The following B3GNT3 variants were observed in gnomAD, a reference collection of about 807,000 sequenced individuals.
B3GNT3 encodes the protein N-acetyllactosaminide beta-1,3-N-acetylglucosaminyltransferase 3.
B3GNT3 carries 7 observed loss-of-function variants against 11.6 expected under a neutral mutation model. The ratio of observed to expected loss-of-function variants is 0.60; its 90% CI spans 0.34 to 1.13. The LOEUF is 1.13. B3GNT3 is among the 50% of genes most tolerant of loss of function. The probability of loss-of-function intolerance (pLI) is 0.03; values close to 1 mark genes in which losing one functional copy is unlikely to be tolerated. For missense variants in B3GNT3, 400 were observed against 507.4 expected, an observed-to-expected ratio of 0.79 and a Z score of 2.03; for synonymous variants, 201 against 222.1, an observed-to-expected ratio of 0.90 and a Z score of 0.85.
Position 17,811,455 on chromosome 19 carries a change from A to C in B3GNT3, c.568-116A>C. Reference sequence around the variant, plus strand: ...ACCCCACAGGGCAGGGCCTTAACCCAGGCTGGATTGTGGACACTTCCTTTC... The same window carrying C: ...ACCCCACAGGGCAGGGCCTTAACCCCGGCTGGATTGTGGACACTTCCTTTC... On this transcript the variant is annotated intron_variant, in intron 2 of 2. Transcript: ENST00000318683. The surrounding 1 kb of genome is among the most constrained non-coding windows in gnomAD (Gnocchi z 4.1). The C allele has an allele frequency of 9.0e-7, 1 of 1,109,436 alleles. No homozygotes were observed. Among genetic ancestry groups the C allele is most frequent in the Non-Finnish European group, 1.3e-6 (1 of 793,536 alleles). 68.7% of individuals were successfully genotyped at this position (1,109,436 alleles called of 1,614,324 possible). A position where few individuals can be genotyped will look rare whatever the true frequency, so the allele number is the denominator to read the frequency against.
intron 2 of B3GNT3, among the ~76,000 whole-genome samples, chr19:17,810,772 T>C (rs977811070): frequency 2.6e-5 from 4 of 151,820 alleles, no homozygotes; most frequent in African/African-American, 7.3e-5. Flanking sequence ...TCCCAGCTAC[T>C]TGGGAGGCTG....
intron 1 of B3GNT3, among the ~76,000 whole-genome samples, chr19:17,795,456 A>C (rs1379672907): frequency 6.6e-6 from 1 of 151,940 alleles, no homozygotes; most frequent in African/African-American, 2.4e-5. Flanking sequence ...GCGACCCGGG[A>C]CCCCGGCGCC....
intron 1 of B3GNT3, among the ~76,000 whole-genome samples, chr19:17,805,944 C>G (rs913956436): frequency 1.3e-5 from 2 of 151,868 alleles, no homozygotes; most frequent in Non-Finnish European, 1.5e-5. Flanking sequence ...ACCTCAAGCA[C>G]ATGCTACCAC....
Position 17,812,199 on chromosome 19 carries a change from A to G in B3GNT3, c.*77A>G. On this transcript the variant is annotated 3_prime_UTR_variant, in exon 3 of 3. Transcript: ENST00000318683. Reference sequence around the variant, plus strand: ...GACACCTTCCTCCCAGGAAGCTGAGACCTTTGTGGTCTGAGCATAAGGGAG... The same window carrying G: ...GACACCTTCCTCCCAGGAAGCTGAGGCCTTTGTGGTCTGAGCATAAGGGAG... 1 of 1,451,730 alleles carries G rather than the reference A, an allele frequency of 6.9e-7. No homozygotes were observed. Among genetic ancestry groups the G allele is most frequent in the Non-Finnish European group, 9.1e-7 (1 of 1,097,756 alleles). 89.9% of individuals were successfully genotyped at this position (1,451,730 alleles called of 1,614,324 possible).
Position 17,811,832 on chromosome 19 carries a change from C to G in B3GNT3, c.829C>G (p.Arg277Gly). 1.2e-6 allele frequency: 2 copies of G among 1,614,218 alleles called. No homozygotes were observed. The highest frequency in any genetic ancestry group is 8.5e-7 in the Non-Finnish European group (1 of 1,180,038). Residue 277 changes from arginine to glycine, a missense_variant, in exon 3 of 3, where the codon CGC (arginine) becomes GGC (glycine). By Grantham distance (125) the Arg-to-Gly change is moderately radical. Transcript: ENST00000318683. This position sits in a 1 kb window ranked among gnomAD's most constrained non-coding sequence, Gnocchi z 4.1. ...YCGGGGFLLS[R>G]FTAAALRRAA... ...TGGGGGTGGTGGCTTCTTGCTGTCC[C>G]GCTTCACGGCCGCTGCCCTGCGCCG... is the stretch of plus-strand genomic sequence containing the variant.
At chr19:17,810,723 T>TA (rs975529094) in intron 2 of B3GNT3, among the ~76,000 whole-genome samples, 4 of 151,028 alleles carry the variant, frequency 2.6e-5, no homozygotes, top group African/African-American at 9.8e-5. Context: ...CTCTACTAAA[T>TA]ACAAAAAATT....
At chr19:17,804,223 C>G (rs1371949416) in intron 1 of B3GNT3, among the ~76,000 whole-genome samples, 1 of 143,036 alleles carries the variant, frequency 7.0e-6, no homozygotes, top group Non-Finnish European at 1.5e-5. Flanking sequence ...TTTTTCTTTT[C>G]TTTCTTTCTT....
In B3GNT3 at chr19:17,799,312, G is replaced by A. The variant is rs139550969; in HGVS notation, c.-51+4106G>A. Among the ~76,000 whole-genome samples the A allele has an allele frequency of 3.3e-3, 450 of 135,494 alleles. 1 individual carries two copies. The highest frequency in any genetic ancestry group is 7.8e-3 in the African/African-American group (275 of 35,070). The allele number at this position is 135,494 out of a possible 152,430, so 88.9% of individuals were successfully genotyped here. A position where few individuals can be genotyped will look rare whatever the true frequency, so the allele number is the denominator to read the frequency against. ...TTTTGAGATGGAGTCTCATTTACCC[G>A]GGCTGGAGTGCAGTGGCGCAATCTC... On this transcript the variant is annotated intron_variant, in intron 1 of 2. Coordinates refer to ENST00000318683, the MANE Select transcript of B3GNT3 (RefSeq NM_014256.4).
At chr19:17,804,533 CT>C (rs67513010) in intron 1 of B3GNT3, among the ~76,000 whole-genome samples, 2 of 57,014 alleles carry the variant, frequency 3.5e-5, no homozygotes, top group Non-Finnish European at 5.7e-5. Flanking sequence ...CCGTGCCCAG[CT>C]TTTTTTTTTT....
chr19:17,795,681 G>A (rs907766843), intron 1 of B3GNT3, among the ~76,000 whole-genome samples: 1 of 152,202 alleles, frequency 6.6e-6, no homozygotes, highest in African/African-American at 2.4e-5. Context: ...GTGGCTGGGC[G>A]GCATTCCAGG....
intron 1 of B3GNT3, among the ~76,000 whole-genome samples, chr19:17,803,069 G>A (rs1282885590): frequency 2.6e-5 from 4 of 151,594 alleles, no homozygotes; most frequent in African/African-American, 7.3e-5. Flanking sequence ...GCAGTGGCAC[G>A]ATCTCGGCTC....
In B3GNT3 at chr19:17,812,193, G is replaced by T. The variant is rs539350200; in HGVS notation, c.*71G>T. On this transcript the variant is annotated 3_prime_UTR_variant, in exon 3 of 3. Coordinates refer to ENST00000318683, the MANE Select transcript of B3GNT3 (RefSeq NM_014256.4). ...AGGGGCGACACCTTCCTCCCAGGAA[G>T]CTGAGACCTTTGTGGTCTGAGCATA... 459 of 1,470,126 alleles carry T rather than the reference G, an allele frequency of 3.1e-4. 4 individuals are homozygous for T. The South Asian group carries it at 3.5e-3, about 11-fold the overall frequency. The allele number at this position is 1,470,126 out of a possible 1,614,324, so 91.1% of individuals were successfully genotyped here.
chr19:17,811,436 C>T lies in B3GNT3; in HGVS notation c.568-135C>T. ...AGAGAGGGTTTCCCAAGTAACCCCA[C>T]AGGGCAGGGCCTTAACCCAGGCTGG... On this transcript the variant is annotated intron_variant, in intron 2 of 2. Coordinates refer to ENST00000318683, the MANE Select transcript of B3GNT3 (RefSeq NM_014256.4). This position sits in a 1 kb window ranked among gnomAD's most constrained non-coding sequence, Gnocchi z 4.1. 1 of 887,448 alleles carries T rather than the reference C, an allele frequency of 1.1e-6. No homozygotes were observed. Among genetic ancestry groups the T allele is most frequent in the South Asian group, 1.8e-5 (1 of 54,464 alleles). 55.0% of individuals were successfully genotyped at this position (887,448 alleles called of 1,614,324 possible).
intron 1 of B3GNT3, among the ~76,000 whole-genome samples, chr19:17,804,243 T>TTC (rs2094169971): frequency 6.8e-6 from 1 of 146,380 alleles, no homozygotes; most frequent in African/African-American, 2.5e-5. Flanking sequence ...TTTTTTTCTT[T>TTC]TTTTTTTTTT....
chr19:17,805,765 A>T (rs1417060384), intron 1 of B3GNT3, among the ~76,000 whole-genome samples: 2 of 152,112 alleles, frequency 1.3e-5, no homozygotes, highest in African/African-American at 2.4e-5. Context: ...CCTCAGTAAC[A>T]ATTAGTATGG....
chr19:17,803,999 A>G (rs2094169539), intron 1 of B3GNT3, among the ~76,000 whole-genome samples: 1 of 152,120 alleles, frequency 6.6e-6, no homozygotes, highest in African/African-American at 2.4e-5. Context: ...CTGTCTCTTA[A>G]AACACAGCAC....
chr19:17,803,844 T>A (rs1458561079), intron 1 of B3GNT3, among the ~76,000 whole-genome samples: 3 of 142,114 alleles, frequency 2.1e-5, no homozygotes, highest in Admixed American at 7.1e-5. Flanking sequence ...GCAAGTGAGA[T>A]CCTATCACTA....
rs746408665 is a variant in B3GNT3 at position 17,811,856 on chromosome 19, C to T, written c.853C>T (p.Arg285Cys). 4.3e-6 allele frequency: 7 copies of T among 1,614,210 alleles called. No individual in the cohort carries two copies. The highest frequency in any genetic ancestry group is 5.9e-6 in the Non-Finnish European group (7 of 1,180,038). ...CCGCTTCACGGCCGCTGCCCTGCGC[C>T]GTGCTGCCCATGTCTTGGACATCTT... ...LSRFTAAALR[R>C]AAHVLDIFPI... is the part of the protein sequence containing the mutation. Residue 285 changes from arginine to cysteine, a missense_variant, in exon 3 of 3, where the codon CGT becomes TGT. Coordinates refer to ENST00000318683, the MANE Select transcript of B3GNT3 (RefSeq NM_014256.4). This position sits in a 1 kb window ranked among gnomAD's most constrained non-coding sequence, Gnocchi z 4.1.
chr19:17,799,403 G>A (rs1028941071), intron 1 of B3GNT3, among the ~76,000 whole-genome samples: 1 of 151,696 alleles, frequency 6.6e-6, no homozygotes, highest in African/African-American at 2.4e-5. Flanking sequence ...TGAGTAGCTG[G>A]GATTACAGGC....
Sources: allele counts gnomAD v4.1 joint callset (sites outside exome capture counted in the v4.1 genomes callset), GRCh38; gene constraint gnomAD v4.1.1; non-coding constraint Gnocchi (gnomAD v3.1); transcripts MANE v1.5; gene names NCBI Gene and HGNC (gene_info 2026-07-23, HGNC 2026-07-21).